GTF2E2: variants seen among roughly 807,000 people sequenced by gnomAD.
GTF2E2 encodes transcription initiation factor IIE subunit beta.
Under a neutral mutation model 40.5 loss-of-function variants are expected in GTF2E2, and 21 were observed. The ratio of observed to expected loss-of-function variants is 0.52; its 90% CI spans 0.37 to 0.75. The LOEUF (loss-of-function observed/expected upper bound fraction) is 0.75. Among genes scored for constraint, GTF2E2 ranks in the 30% least tolerant of loss-of-function variants. GTF2E2 has a pLI of 0.00. For missense variants in GTF2E2, 298 were observed against 338.4 expected, an observed-to-expected ratio of 0.88 and a Z score of 0.94; for synonymous variants, 117 against 121.6, an observed-to-expected ratio of 0.96 and a Z score of 0.25.
In GTF2E2 at chr8:30,612,329, T is replaced by C; in HGVS notation, c.519A>G (p.Glu173=). The C allele has an allele frequency of 1.2e-6, 2 of 1,612,340 alleles. No individual in the cohort carries two copies. Among genetic ancestry groups the C allele is most frequent in the Non-Finnish European group, 1.7e-6 (2 of 1,178,490 alleles). Residue 173 remains glutamate (E), a synonymous_variant, in exon 5 of 8, where the codon GAA becomes GAG. Coordinates refer to ENST00000355904, the MANE Select transcript of GTF2E2 (RefSeq NM_002095.6). ...LGGILLEDIE[E]ALPNSQKAVK... ...CAGCTTTCTGGGAATTGGGCAGTGC[T>C]TCTTCTATGTCTTCTAAAAGAATTC...
At chr8:30,643,075 A>T (rs1398026425) in intron 2 of GTF2E2, among the ~76,000 whole-genome samples, 1 of 152,222 alleles carries the variant, frequency 6.6e-6, no homozygotes, top group Non-Finnish European at 1.5e-5. Flanking sequence ...GTGACTTACC[A>T]AGCAAACCTA....
intron 1 of GTF2E2, among the ~76,000 whole-genome samples, chr8:30,656,422 CA>C: frequency 6.6e-6 from 1 of 152,030 alleles, no homozygotes; most frequent in African/African-American, 2.4e-5. Flanking sequence ...AAGGTGGGAG[CA>C]AAAAGTAAAT....
chr8:30,599,533 T>G (rs1240946455), intron 6 of GTF2E2, among the ~76,000 whole-genome samples: 5 of 149,286 alleles, frequency 3.3e-5, no homozygotes, highest in African/African-American at 1.2e-4. Context: ...AAGCCGAGAC[T>G]GTGCCATTGC....
rs749996086 is a variant in GTF2E2 at position 30,612,476 on chromosome 8, T to A, written c.372A>T (p.Leu124Phe). 1.3e-6 allele frequency: 2 copies of A among 1,590,146 alleles called. No homozygotes were observed. Among genetic ancestry groups the A allele is most frequent in the South Asian group, 2.2e-5 (2 of 90,444 alleles). ...TTACTTCAATTTTGGGATTGTTGAC[T>A]AAAGCCTGTAACAGTGATACAATTG... Reference protein sequence around the residue: ...KQKQWLMTEALVNNPKIEVID... With the variant: ...KQKQWLMTEAFVNNPKIEVID... The change falls in exon 5 of 8, where the codon TTA (leucine) becomes TTT (phenylalanine). Residue 124 changes from leucine (L) to phenylalanine (F), a missense_variant. Physicochemically the swap from Leu to Phe is conservative, Grantham distance 22. Coordinates refer to ENST00000355904, the MANE Select transcript of GTF2E2 (RefSeq NM_002095.6).
At chr8:30,650,185 C>T (rs552074060) in intron 2 of GTF2E2, among the ~76,000 whole-genome samples, 1 of 151,982 alleles carries the variant, frequency 6.6e-6, no homozygotes, top group East Asian at 1.9e-4. Context: ...AAATCCTGAC[C>T]GAAATACCAG....
In GTF2E2 at chr8:30,637,301, T is replaced by A. The variant is rs374044483; in HGVS notation, c.167-2178A>T. 41 of 456,242 alleles carry A rather than the reference T, an allele frequency of 9.0e-5. No individual in the cohort carries two copies. In the East Asian group the frequency reaches 1.3e-3, roughly 14 times the overall value. 28.3% of individuals were successfully genotyped at this position (456,242 alleles called of 1,614,324 possible). ...TATGAAAAAAGAGATGACAATGTGT[T>A]AAGGACAAACACCACACAAATGGCC... On this transcript the variant is annotated intron_variant, in intron 2 of 7. Transcript: ENST00000355904.
At chr8:30,596,911 C>A (rs1829025343) in intron 6 of GTF2E2, 1 of 152,296 alleles carries the variant, frequency 6.6e-6, no homozygotes, top group Non-Finnish European at 1.5e-5. Context: ...AGGGTAGTGG[C>A]TGGTTTGCCA....
At chr8:30,583,406 G>A (rs1585930909) in intron 6 of GTF2E2, among the ~76,000 whole-genome samples, 2 of 151,992 alleles carry the variant, frequency 1.3e-5, no homozygotes, top group South Asian at 2.1e-4. Context: ...TTGAGACAGG[G>A]TCTCACTTTG....
chr8:30,651,407 AT>A (rs1252309064), intron 2 of GTF2E2, among the ~76,000 whole-genome samples: 2 of 151,972 alleles, frequency 1.3e-5, no homozygotes, highest in African/African-American at 4.8e-5. Flanking sequence ...GCAATGAACA[AT>A]TTAAAAAAAA....
chr8:30,649,808 T>C (rs750846586), intron 2 of GTF2E2, among the ~76,000 whole-genome samples: 24 of 152,116 alleles, frequency 1.6e-4, no homozygotes, highest in Non-Finnish European at 3.1e-4. Flanking sequence ...ACTGACTTTA[T>C]AGATATCAAA....
rs573673825 is a variant in GTF2E2 at position 30,586,219 on chromosome 8, A to C, written c.644-5823T>G. Among the ~76,000 whole-genome samples, 15 of 152,316 alleles carry C rather than the reference A, an allele frequency of 9.8e-5. No homozygotes were observed. The South Asian group carries it at 2.9e-3, about 29-fold the overall frequency. ...CATTATATCCACTTTGCAGTTCCAG[A>C]AAATAGGACATTTCTCAATTTACCT... On this transcript the variant is annotated intron_variant, in intron 6 of 7. Coordinates refer to ENST00000355904, the MANE Select transcript of GTF2E2 (RefSeq NM_002095.6).
intron 6 of GTF2E2, 148 bp downstream of exon 6, chr8:30,606,909 A>C: frequency 2.4e-6 from 1 of 418,350 alleles, no homozygotes. Context: ...AATATGTTAG[A>C]CACAGGGGCC....
chr8:30,587,451 A>G (rs974372071), intron 6 of GTF2E2, among the ~76,000 whole-genome samples: 12 of 131,958 alleles, frequency 9.1e-5, no homozygotes, highest in African/African-American at 3.5e-4. Flanking sequence ...TTCCATATAT[A>G]TGGAACTCAA....
intron 2 of GTF2E2, chr8:30,643,362 T>A (rs990186912): frequency 2.0e-5 from 3 of 152,146 alleles, no homozygotes; most frequent in Non-Finnish European, 4.4e-5. Context: ...GAAGTTGCAT[T>A]ATAAGTACAT....
At chr8:30,624,624 T>C (rs1210863299) in intron 3 of GTF2E2, among the ~76,000 whole-genome samples, 1 of 152,116 alleles carries the variant, frequency 6.6e-6, no homozygotes, top group African/African-American at 2.4e-5. Flanking sequence ...TTTCATGATA[T>C]TGATTCTTCC....
At chr8:30,645,292 C>T (rs1563508490) in intron 2 of GTF2E2, 1 of 1,525,938 alleles carries the variant, frequency 6.6e-7, no homozygotes, top group African/African-American at 1.4e-5. Flanking sequence ...TTCAAAAGAG[C>T]AAGTGGAATC....
chr8:30,594,159 T>C (rs1828928380), intron 6 of GTF2E2, among the ~76,000 whole-genome samples: 1 of 152,158 alleles, frequency 6.6e-6, no homozygotes, highest in Admixed American at 6.5e-5. Flanking sequence ...CTTGAATTCC[T>C]GACCTCAGGT....
In GTF2E2 at chr8:30,610,443, C is replaced by CAA. The variant is rs34094808; in HGVS notation, c.549+1854_549+1855dup. On this transcript the variant is annotated intron_variant, in intron 5 of 7. Transcript: ENST00000355904. ...CATGGGTGACAGTGTGACTCTGTCT[C>CAA]AAAAAAAAAAAAAAAAAAAGGCTAC... Among the ~76,000 whole-genome samples, 272 of 89,362 alleles carry CAA rather than the reference C, an allele frequency of 3.0e-3. 4 individuals carry two copies. Among genetic ancestry groups the CAA allele is most frequent in the East Asian group, 0.025 (66 of 2,646 alleles). The allele number at this position is 89,362 out of a possible 152,430, so 58.6% of individuals were successfully genotyped here.
intron 1 of GTF2E2, chr8:30,657,562 G>A (rs1222836488): frequency 6.6e-6 from 1 of 152,110 alleles, no homozygotes; most frequent in Non-Finnish European, 1.5e-5. Flanking sequence ...AAAGTTTAGG[G>A]ATCATCACAA....
Sources: gnomAD v4.1 joint callset for allele counts (sites outside exome capture counted in the v4.1 genomes callset) on GRCh38, gnomAD v4.1.1 for gene constraint, MANE v1.5 for transcripts, NCBI Gene and HGNC (gene_info 2026-07-23, HGNC 2026-07-21) for gene names.